EIPR1: variants seen among roughly 807,000 people sequenced by gnomAD.
EIPR1 encodes EARP and GARP complex-interacting protein 1.
In EIPR1, 25 loss-of-function variants were observed where a neutral mutation model predicts 48.1. The observed-to-expected ratio is 0.52, with a 90% confidence interval of 0.38 to 0.73. EIPR1 has a LOEUF of 0.73. Ranked by LOEUF, EIPR1 falls within the 30% of genes least tolerant of loss-of-function variation. The pLI, the probability that EIPR1 is intolerant of heterozygous loss-of-function variation, is 0.00. For missense variants in EIPR1, 415 were observed against 506.2 expected, an observed-to-expected ratio of 0.82 and a Z score of 1.73; for synonymous variants, 204 against 201.9, an observed-to-expected ratio of 1.01 and a Z score of -0.09.
chr2:3,275,568 T>C (rs1667824112), intron 3 of EIPR1, among the ~76,000 whole-genome samples: 1 of 152,138 alleles, frequency 6.6e-6, no homozygotes, highest in African/African-American at 2.4e-5. Flanking sequence ...GATATACCAT[T>C]AAAAATCTCA....
intron 3 of EIPR1, among the ~76,000 whole-genome samples, chr2:3,265,363 A>C (rs998701896): frequency 2.0e-5 from 3 of 152,234 alleles, no homozygotes; most frequent in African/African-American, 7.2e-5. Flanking sequence ...AACAGCACTA[A>C]GGAAGAAGCA....
chr2:3,339,622 C>T (rs12614280), intron 2 of EIPR1, among the ~76,000 whole-genome samples: 10,179 of 152,200 alleles, frequency 0.067, 353 homozygotes, highest in African/African-American at 0.077. Context: ...ATCCTCACGA[C>T]AGTGAATTCT....
intron 4 of EIPR1, among the ~76,000 whole-genome samples, chr2:3,246,919 GA>G (rs1256415588): frequency 2.1e-5 from 2 of 93,284 alleles, no homozygotes. Context: ...GAGGGAGGGA[GA>G]GAGGGAAGGA....
At chr2:3,287,744 T>G (rs940893111) in intron 3 of EIPR1, among the ~76,000 whole-genome samples, 2 of 151,906 alleles carry the variant, frequency 1.3e-5, no homozygotes, top group Non-Finnish European at 2.9e-5. Flanking sequence ...TCTAGAAAGC[T>G]CATTCACTAT....
chr2:3,310,454 C>T (rs746199487), intron 3 of EIPR1, among the ~76,000 whole-genome samples: 1 of 142,370 alleles, frequency 7.0e-6, no homozygotes, highest in African/African-American at 2.8e-5. Flanking sequence ...GAGACTGAGA[C>T]CATCCTGGCT....
Position 3,365,974 on chromosome 2 carries a change from GC to G in EIPR1, c.43-11342del, listed in dbSNP as rs773358899. 3.0e-4 allele frequency among the ~76,000 whole-genome samples: 13 copies of G among 42,806 alleles called. No homozygotes were observed. The South Asian group carries it at 7.6e-3, about 25-fold the overall frequency. The allele number at this position is 42,806 out of a possible 152,430, so 28.1% of individuals were successfully genotyped here. On this transcript the variant is annotated intron_variant, in intron 1 of 8. Transcript: ENST00000382125. The stretch of plus-strand genomic sequence containing the variant: ...GTCCGGGAGGGAGGTGGGGGGGTCA[GC>G]CCCCCGCCCGGCCAGCCACCCCGTC...
At chr2:3,213,141 A>G (rs1227638014) in intron 5 of EIPR1, among the ~76,000 whole-genome samples, 1 of 152,224 alleles carries the variant, frequency 6.6e-6, no homozygotes, top group East Asian at 1.9e-4. Flanking sequence ...ATCACTGGAG[A>G]AATCTATCCA....
At chr2:3,337,363 A>G (rs1345668383) in intron 3 of EIPR1, among the ~76,000 whole-genome samples, 2 of 152,242 alleles carry the variant, frequency 1.3e-5, no homozygotes, top group African/African-American at 2.4e-5. Context: ...TAGAAACTAT[A>G]TATCAAAAAC....
chr2:3,208,780 G>C (rs1012490126), intron 5 of EIPR1: 62 of 1,548,584 alleles, frequency 4.0e-5, no homozygotes, highest in Non-Finnish European at 4.7e-5. Flanking sequence ...CTTCTTCCTT[G>C]AGTGAGGCTC....
rs568878694 is a variant in EIPR1, at chr2:3,217,906, A to G, written c.417-3658T>C. Among the ~76,000 whole-genome samples the G allele has an allele frequency of 4.6e-5, 7 of 152,320 alleles. No homozygotes were observed. In the East Asian group the frequency reaches 1.3e-3, roughly 29 times the overall value. ...CCCCATTGCCACTCCCAGGCAGTAA[A>G]GGAGGTTTCACTCCCCAACCCCTCA... is the stretch of plus-strand genomic sequence containing the variant. On this transcript the variant is annotated intron_variant, in intron 4 of 8. Coordinates refer to ENST00000382125, the MANE Select transcript of EIPR1 (RefSeq NM_003310.5).
intron 4 of EIPR1, among the ~76,000 whole-genome samples, chr2:3,216,375 T>A (rs1487879566): frequency 1.3e-5 from 2 of 152,142 alleles, no homozygotes; most frequent in Non-Finnish European, 2.9e-5. Context: ...CCGTGTGGGC[T>A]ATGCCAACAA....
At chr2:3,341,494 C>G (rs74968614) in intron 2 of EIPR1, among the ~76,000 whole-genome samples, 3 of 151,202 alleles carry the variant, frequency 2.0e-5, no homozygotes, top group African/African-American at 7.3e-5. Flanking sequence ...AGCATGGGTA[C>G]GTGGTCTATG....
intron 2 of EIPR1, among the ~76,000 whole-genome samples, chr2:3,349,862 G>A (rs1053098276): frequency 5.9e-5 from 9 of 152,162 alleles, no homozygotes; most frequent in African/African-American, 1.7e-4. Context: ...GGTGGCTCAC[G>A]CCTGTAATCC....
chr2:3,343,398 T>G (rs1323553099), intron 2 of EIPR1, among the ~76,000 whole-genome samples: 1 of 152,094 alleles, frequency 6.6e-6, no homozygotes, highest in East Asian at 1.9e-4. Context: ...CTAAGGTGAG[T>G]GCAAAAGATT....
chr2:3,251,219 T>G (rs1666992322), intron 4 of EIPR1, among the ~76,000 whole-genome samples: 1 of 152,328 alleles, frequency 6.6e-6, no homozygotes, highest in Admixed American at 6.5e-5. Flanking sequence ...GCGAGAAGAC[T>G]GCGGCCGTGC....
chr2:3,361,279 T>G (rs1031689279), intron 1 of EIPR1, among the ~76,000 whole-genome samples: 2 of 152,092 alleles, frequency 1.3e-5, no homozygotes, highest in African/African-American at 4.8e-5. Flanking sequence ...GGGGCAGATA[T>G]TACCTGTAAT....
chr2:3,209,326 G>A (rs1275960236), intron 5 of EIPR1, among the ~76,000 whole-genome samples: 2 of 152,130 alleles, frequency 1.3e-5, no homozygotes, highest in African/African-American at 4.8e-5. Flanking sequence ...TTCAAAAAGG[G>A]GCAGCCAAGT....
At chr2:3,249,432 G>A (rs1666939784) in intron 4 of EIPR1, among the ~76,000 whole-genome samples, 1 of 152,196 alleles carries the variant, frequency 6.6e-6, no homozygotes, top group African/African-American at 2.4e-5. Context: ...AGGTAGCCTG[G>A]CTGCTTCTAA....
At chr2:3,282,685 C>A (rs1193660660) in intron 3 of EIPR1, 1 of 152,316 alleles carries the variant, frequency 6.6e-6, no homozygotes, top group African/African-American at 2.4e-5. Flanking sequence ...GAAGTGTGCG[C>A]TCCCGAGTCT....
Sources: gnomAD v4.1 joint callset for allele counts (sites outside exome capture counted in the v4.1 genomes callset) on GRCh38, gnomAD v4.1.1 for gene constraint, MANE v1.5 for transcripts, NCBI Gene and HGNC (gene_info 2026-07-23, HGNC 2026-07-21) for gene names.